Variants in CTNNAL1 observed in about 807,000 individuals in gnomAD.
CTNNAL1 encodes the protein catenin alpha like 1, also known as alpha-catulin.
In CTNNAL1, 69 loss-of-function variants were observed where a neutral mutation model predicts 93.6. The observed-to-expected ratio is 0.74, with a 90% CI of 0.61 to 0.90. The LOEUF (loss-of-function observed/expected upper bound fraction) is 0.90. Among genes scored for constraint, CTNNAL1 ranks in the 40% least tolerant of loss-of-function variants. The pLI, the probability that CTNNAL1 is intolerant of heterozygous loss-of-function variation, is 0.00. For synonymous variants in CTNNAL1, 286 were observed against 305.4 expected, an observed-to-expected ratio of 0.94 and a Z score of 0.66; for missense variants, 836 against 862.0, an observed-to-expected ratio of 0.97 and a Z score of 0.38.
At chr9:108,946,085 G>A (rs891661872) in intron 15 of CTNNAL1, among the ~76,000 whole-genome samples, 1 of 152,048 alleles carries the variant, frequency 6.6e-6, no homozygotes, top group Non-Finnish European at 1.5e-5. Context: ...CGAATCACAA[G>A]GTCAAGAGAT....
chr9:108,972,672 C>A lies in CTNNAL1; in HGVS notation c.1347+3G>T. ...CAATTTCTTTAGCACCTTGTTTACT[C>A]ACCTCAACAAGCTGCTCTTTCTGTT... On this transcript the variant is annotated splice_donor_region_variant and intron_variant, in intron 9 of 18. Transcript: ENST00000325551. The A allele has an allele frequency of 6.2e-7, 1 of 1,606,852 alleles. No homozygotes were observed. Among genetic ancestry groups the A allele is most frequent in the South Asian group, 1.1e-5 (1 of 89,604 alleles).
chr9:108,942,883 A>G (rs377672812), intron 18 of CTNNAL1, 49 bp from the exon 19 acceptor site: 4 of 1,610,892 alleles, frequency 2.5e-6, no homozygotes, highest in Non-Finnish European at 3.4e-6. Context: ...TGAAAAAAAA[A>G]TTACAAAATT....
rs528689280 is a variant in CTNNAL1, at chr9:108,950,457, A to C, written c.1835+1752T>G. On this transcript the variant is annotated intron_variant, in intron 14 of 18. Coordinates refer to ENST00000325551, the MANE Select transcript of CTNNAL1 (RefSeq NM_003798.4). ...GATAAGGTACTGACAAATGACAGCT[A>C]AACAGCAGCAAAATTTCTAACTCCT... 383 of 1,537,578 alleles carry C rather than the reference A, an allele frequency of 2.5e-4. 1 individual carries two copies. In the Middle Eastern group the frequency reaches 3.6e-3, roughly 14 times the overall value.
intron 2 of CTNNAL1, among the ~76,000 whole-genome samples, chr9:108,995,320 T>C (rs992565274): frequency 2.6e-5 from 4 of 152,138 alleles, no homozygotes; most frequent in Non-Finnish European, 5.9e-5. Context: ...AAATGTTAAT[T>C]TTTTTCTACA....
chr9:108,974,526 A>G (rs1831205407), intron 8 of CTNNAL1, among the ~76,000 whole-genome samples: 2 of 152,220 alleles, frequency 1.3e-5, no homozygotes, highest in Middle Eastern at 3.2e-3. Context: ...TAAAATTTAT[A>G]TAAGAAACAT....
chr9:109,004,058 C>G (rs1308726439), intron 1 of CTNNAL1, among the ~76,000 whole-genome samples: 1 of 152,134 alleles, frequency 6.6e-6, no homozygotes, highest in Non-Finnish European at 1.5e-5. Flanking sequence ...CATAAAGTCA[C>G]TGTGGTTTTC....
At chr9:108,978,992 G>C (rs1831342334) in intron 7 of CTNNAL1, among the ~76,000 whole-genome samples, 2 of 152,162 alleles carry the variant, frequency 1.3e-5, no homozygotes, top group Admixed American at 6.5e-5. Flanking sequence ...CCAGAGGTGA[G>C]TTTGGTGGAA....
intron 12 of CTNNAL1, 81 bp downstream of exon 12, chr9:108,955,709 G>C: frequency 1.7e-6 from 2 of 1,196,906 alleles, no homozygotes; most frequent in Non-Finnish European, 2.4e-6. Context: ...TTGTGGTAGA[G>C]GGGAGCAGCA....
At chr9:108,984,640 C>T (rs572443248) in intron 4 of CTNNAL1, among the ~76,000 whole-genome samples, 2 of 151,580 alleles carry the variant, frequency 1.3e-5, no homozygotes, top group African/African-American at 2.4e-5. Flanking sequence ...GAAAAAGCTA[C>T]TCTTAGTAAG....
Position 108,942,991 on chromosome 9 carries a change from A to G in CTNNAL1, c.2109T>C (p.Leu703=). Reference sequence around the variant, plus strand: ...TCAGCAGTTTATAACAAAGTGAAAGAAGTTGGACTAAGAGAGCCATCATGG... The same window carrying G: ...TCAGCAGTTTATAACAAAGTGAAAGGAGTTGGACTAAGAGAGCCATCATGG... ...TRSMMALLVQ[L]LSLCYKLLKK... is the part of the protein sequence containing the mutation. Residue 703 remains leucine, a synonymous_variant, in exon 18 of 19, where the codon CTT becomes CTC. Transcript: ENST00000325551. 6.2e-7 allele frequency: 1 copy of G among 1,613,116 alleles called. No homozygotes were observed. Among genetic ancestry groups the G allele is most frequent in the Non-Finnish European group, 8.5e-7 (1 of 1,179,810 alleles).
At chr9:108,968,172 CTCAG>C (rs1327359073) in intron 10 of CTNNAL1, among the ~76,000 whole-genome samples, 1 of 152,186 alleles carries the variant, frequency 6.6e-6, no homozygotes, top group African/African-American at 2.4e-5. Flanking sequence ...CAACTGTTCC[CTCAG>C]TATGTCTAAC....
chr9:108,949,556 A>T (rs1465875058), intron 14 of CTNNAL1, among the ~76,000 whole-genome samples: 4 of 152,204 alleles, frequency 2.6e-5, no homozygotes, highest in Non-Finnish European at 5.9e-5. Flanking sequence ...AAAAATACAA[A>T]AATTAGGCCA....
chr9:108,964,263 C>A (rs927620344), intron 11 of CTNNAL1, among the ~76,000 whole-genome samples: 1 of 151,554 alleles, frequency 6.6e-6, no homozygotes, highest in Admixed American at 6.6e-5. Flanking sequence ...TCTATTATGC[C>A]CTGATTTTTA....
intron 1 of CTNNAL1, among the ~76,000 whole-genome samples, chr9:109,005,449 G>T (rs559590213): frequency 6.6e-6 from 1 of 152,112 alleles, no homozygotes. Context: ...TTAGGAGGTG[G>T]GGCCTTTGGG....
Position 109,001,937 on chromosome 9 carries a change from G to A in CTNNAL1, c.142-2681C>T, listed in dbSNP as rs145315292. ...ATAACTAATACAGATTTTGGTGCCT[G>A]GATCTGGGGTGAGGCTGTAACAAAA... On this transcript the variant is annotated intron_variant, in intron 1 of 18. Coordinates refer to ENST00000325551, the MANE Select transcript of CTNNAL1 (RefSeq NM_003798.4). Among the ~76,000 whole-genome samples, 390 of 152,326 alleles carry A rather than the reference G, an allele frequency of 2.6e-3. 4 individuals are homozygous for A. Among genetic ancestry groups the A allele is most frequent in the African/African-American group, 8.7e-3 (362 of 41,556 alleles).
intron 9 of CTNNAL1, among the ~76,000 whole-genome samples, chr9:108,971,579 C>G (rs1831119090): frequency 6.6e-6 from 1 of 152,218 alleles, no homozygotes; most frequent in African/African-American, 2.4e-5. Context: ...AGTTCCCCCC[C>G]TGTACATACT....
chr9:108,962,244 C>A (rs1220091703), intron 11 of CTNNAL1, among the ~76,000 whole-genome samples: 1 of 152,066 alleles, frequency 6.6e-6, no homozygotes, highest in Non-Finnish European at 1.5e-5. Flanking sequence ...TACCTGGAAC[C>A]CAGTACATTC....
At chr9:108,994,949 G>C (rs1831959453) in intron 2 of CTNNAL1, among the ~76,000 whole-genome samples, 1 of 152,180 alleles carries the variant, frequency 6.6e-6, no homozygotes, top group Non-Finnish European at 1.5e-5. Context: ...ACAACCATGA[G>C]AGGGAGGCTG....
chr9:108,999,142 C>T lies in CTNNAL1; in HGVS notation c.256G>A (p.Gly86Arg), dbSNP rs1181187372. 1 of 1,613,698 alleles carries T rather than the reference C, an allele frequency of 6.2e-7. No homozygotes were observed. Among genetic ancestry groups the T allele is most frequent in the East Asian group, 2.2e-5 (1 of 44,862 alleles). The change falls in exon 2 of 19, where the codon GGA becomes AGA. Residue 86 changes from glycine to arginine, a missense_variant. Physicochemically the swap from Gly to Arg is moderately radical, Grantham distance 125 (BLOSUM62 -2). Coordinates refer to ENST00000325551, the MANE Select transcript of CTNNAL1 (RefSeq NM_003798.4). ...NLAVGRFVKV[G>R]EAIANENWDL... is the part of the protein sequence containing the mutation. ...CAGTTTTCATTGGCTATAGCTTCTC[C>T]TACTTTAACAAATCTTCCAACTGCC...
Sources: gnomAD v4.1 joint callset for allele counts (sites outside exome capture counted in the v4.1 genomes callset) on GRCh38, gnomAD v4.1.1 for gene constraint, MANE v1.5 for transcripts, NCBI Gene and HGNC (gene_info 2026-07-23, HGNC 2026-07-21) for gene names.